Variants in PPIP5K2 observed in about 807,000 individuals in gnomAD.
PPIP5K2 encodes the protein diphosphoinositol pentakisphosphate kinase 2, also known as inositol hexakisphosphate and diphosphoinositol-pentakisphosphate kinase 2.
In PPIP5K2, 105 loss-of-function variants were observed where a neutral mutation model predicts 154.6. That is an observed-to-expected ratio of 0.68 (90% CI 0.58 to 0.80). The LOEUF (loss-of-function observed/expected upper bound fraction) is 0.80, where lower values mean the gene tolerates loss of function less well. PPIP5K2 is among the 30% of genes least tolerant of loss of function. The pLI is 0.00. For missense variants in PPIP5K2, 992 were observed against 1,504.6 expected (o/e 0.66, Z 5.64); for synonymous variants, 480 against 490.3 (o/e 0.98, Z 0.28).
intron 1 of PPIP5K2, among the ~76,000 whole-genome samples, chr5:103,125,010 G>A (rs1554200229): frequency 1.3e-5 from 2 of 152,212 alleles, no homozygotes; most frequent in Non-Finnish European, 2.9e-5. Flanking sequence ...CTTGTAAATT[G>A]TTAAGGCAAG....
intron 5 of PPIP5K2, among the ~76,000 whole-genome samples, chr5:103,140,807 C>T (rs1339526341): frequency 1.2e-4 from 18 of 148,218 alleles, no homozygotes; most frequent in African/African-American, 4.0e-4. Flanking sequence ...ACAGCACTCC[C>T]GCCTGGGCGA....
At chr5:103,142,956 G>A (rs181667714) in intron 5 of PPIP5K2, among the ~76,000 whole-genome samples, 4 of 152,168 alleles carry the variant, frequency 2.6e-5, no homozygotes, top group African/African-American at 2.4e-5. Flanking sequence ...AACTTTTTAC[G>A]AGTATAGAAA....
At chr5:103,194,018 T>C (rs26818) in intron 29 of PPIP5K2, among the ~76,000 whole-genome samples, 35,596 of 152,208 alleles carry the variant, frequency 0.23, 5,008 homozygotes, top group East Asian at 0.45. Context: ...CTGGCTAATA[T>C]AGGAAAATAG....
intron 19 of PPIP5K2, among the ~76,000 whole-genome samples, chr5:103,172,794 A>G (rs1167097197): frequency 6.6e-6 from 1 of 151,816 alleles, no homozygotes; most frequent in African/African-American, 2.4e-5. Context: ...TTTTTCATAT[A>G]TTTATTACAT....
intron 5 of PPIP5K2, among the ~76,000 whole-genome samples, chr5:103,146,177 G>A (rs189370423): frequency 6.6e-6 from 1 of 151,990 alleles, no homozygotes; most frequent in Non-Finnish European, 1.5e-5. Flanking sequence ...CATGTTTTAC[G>A]ATATCTGTGA....
rs77318576 is a variant in PPIP5K2, at chr5:103,203,325, T to C, written c.*1691T>C. 1.7e-3 allele frequency: 265 copies of C among 152,316 alleles called. No homozygotes were observed. The highest frequency in any genetic ancestry group is 6.1e-3 in the African/African-American group (254 of 41,578). The allele number at this position is 152,316 out of a possible 1,614,324, so 9.4% of individuals were successfully genotyped here. A position where few individuals can be genotyped will look rare whatever the true frequency, so the allele number is the denominator to read the frequency against. On this transcript the variant is annotated 3_prime_UTR_variant, in exon 31 of 31. Transcript: ENST00000358359. ...TACTTACATATTAAATAAAATTTAT[T>C]ATTGGCTATATACATAGCAATATAT...
chr5:103,149,432 C>A, intron 8 of PPIP5K2, 119 bp downstream of exon 8: 2 of 889,402 alleles, frequency 2.2e-6, no homozygotes, highest in Non-Finnish European at 3.3e-6. Flanking sequence ...ATTAATACAT[C>A]TGAATGGTTC....
At chr5:103,200,417 T>C (rs1300361818) in intron 30 of PPIP5K2, among the ~76,000 whole-genome samples, 2 of 151,572 alleles carry the variant, frequency 1.3e-5, no homozygotes, top group African/African-American at 4.8e-5. Flanking sequence ...TATTCCCTTT[T>C]TCCAAGTGCT....
chr5:103,147,035 C>T (rs188019057), intron 6 of PPIP5K2, among the ~76,000 whole-genome samples: 53 of 151,832 alleles, frequency 3.5e-4, no homozygotes, highest in Admixed American at 2.8e-3. Context: ...AATAACTTTA[C>T]GTACATGAAA....
chr5:103,157,532 C>G (rs1349205657), intron 14 of PPIP5K2, among the ~76,000 whole-genome samples: 6 of 152,046 alleles, frequency 3.9e-5, no homozygotes, highest in African/African-American at 1.4e-4. Flanking sequence ...AATCCCAGCA[C>G]TTTAGGAGGC....
chr5:103,207,582 A>G lies in PPIP5K2; in HGVS notation c.*5948A>G, dbSNP rs1218246635. The G allele has an allele frequency of 6.6e-6, 1 of 152,012 alleles. No individual in the cohort carries two copies. Among genetic ancestry groups the G allele is most frequent in the African/African-American group, 2.4e-5 (1 of 41,396 alleles). 9.4% of individuals were successfully genotyped at this position (152,012 alleles called of 1,614,324 possible). On this transcript the variant is annotated 3_prime_UTR_variant, in exon 31 of 31. Coordinates refer to ENST00000358359, the MANE Select transcript of PPIP5K2 (RefSeq NM_001276277.3). ...TTATATTTAATTTTAAAGTCTATAT[A>G]TATATATATATAGATCCTATCTGTT...
intron 25 of PPIP5K2, chr5:103,184,459 T>C: frequency 2.3e-6 from 1 of 435,546 alleles, no homozygotes; most frequent in Non-Finnish European, 4.1e-6. Context: ...TCATTCTGAA[T>C]GCCTGCTTCG....
At chr5:103,188,161 CTTCTAA>C (rs1446247584) in intron 28 of PPIP5K2, among the ~76,000 whole-genome samples, 1 of 152,152 alleles carries the variant, frequency 6.6e-6, no homozygotes, top group Non-Finnish European at 1.5e-5. Context: ...GCCATTACAA[CTTCTAA>C]CATAGAGCTT....
At chr5:103,170,283 G>A (rs193214055) in intron 19 of PPIP5K2, among the ~76,000 whole-genome samples, 93 of 151,558 alleles carry the variant, frequency 6.1e-4, no homozygotes, top group Non-Finnish European at 1.0e-3. Flanking sequence ...AGTATGTTAC[G>A]AAGGAGTTGA....
chr5:103,127,606 T>C (rs188156410), intron 1 of PPIP5K2, among the ~76,000 whole-genome samples: 184 of 152,358 alleles, frequency 1.2e-3, no homozygotes, highest in Non-Finnish European at 1.9e-3. Flanking sequence ...GGAGTGTTCA[T>C]GGAAACTATG....
Position 103,149,314 on chromosome 5 carries a change from G to T in PPIP5K2, c.906+1G>T. 1 of 1,612,344 alleles carries T rather than the reference G, an allele frequency of 6.2e-7. No homozygotes were observed. The highest frequency in any genetic ancestry group is 1.1e-5 in the South Asian group (1 of 90,822). ...TTGGAAAGTCTGCCTTGCTTTTAAG[G>T]TAAGATGTTATACAGGCCTATAGAT... On this transcript the variant is annotated splice_donor_variant, in intron 8 of 30. Transcript: ENST00000358359. LOFTEE classifies it high-confidence loss of function.
At position 103,195,037 on chromosome 5, in the gene PPIP5K2, G is replaced by A. The variant is rs782062893; in HGVS notation, c.3619+12G>A. On this transcript the variant is annotated intron_variant, in intron 30 of 30. Coordinates refer to ENST00000358359, the MANE Select transcript of PPIP5K2 (RefSeq NM_001276277.3). ...AAGCAGCAAACCAGGTAAGGGGTGT[G>A]TGTGTTGAGTTTGTGGATTTGCACA... 48 of 1,597,284 alleles carry A rather than the reference G, an allele frequency of 3.0e-5. No individual in the cohort carries two copies. The highest frequency in any genetic ancestry group is 3.8e-5 in the Non-Finnish European group (45 of 1,175,690).
intron 2 of PPIP5K2, among the ~76,000 whole-genome samples, chr5:103,130,129 C>G (rs782211376): frequency 3.3e-5 from 5 of 152,020 alleles, no homozygotes; most frequent in African/African-American, 4.8e-5. Context: ...CTGGTTGAAC[C>G]GAAGATACTC....
intron 14 of PPIP5K2, 44 bp downstream of exon 14, chr5:103,156,038 A>G (rs1398816312): frequency 7.7e-7 from 1 of 1,298,178 alleles, no homozygotes; most frequent in African/African-American, 1.5e-5. Flanking sequence ...ATATGTAGTA[A>G]CTTGTTATTC....
Sources: allele counts gnomAD v4.1 joint callset (sites outside exome capture counted in the v4.1 genomes callset), GRCh38; gene constraint gnomAD v4.1.1; transcripts MANE v1.5; gene names NCBI Gene and HGNC (gene_info 2026-07-23, HGNC 2026-07-21).